Variants in PCDHGA1 observed in about 807,000 individuals in gnomAD.
PCDHGA1 encodes protocadherin gamma-A1.
Under a neutral mutation model 58.0 loss-of-function variants are expected in PCDHGA1, and 32 were observed. That is an observed-to-expected ratio of 0.55 (90% confidence interval 0.42 to 0.74). The LOEUF (loss-of-function observed/expected upper bound fraction) is 0.74. Ranked by LOEUF, PCDHGA1 falls within the 30% of genes least tolerant of loss-of-function variation. The pLI, the probability that PCDHGA1 is intolerant of heterozygous loss-of-function variation, is 0.00. For missense variants in PCDHGA1, 1,205 were observed against 1,182.3 expected, an observed-to-expected ratio of 1.02 and a Z score of -0.28; for synonymous variants, 498 against 501.1, an observed-to-expected ratio of 0.99 and a Z score of 0.08.
intron 2 of PCDHGA1, among the ~76,000 whole-genome samples, chr5:141,502,857 ACT>A (rs1332453483): frequency 7.7e-5 from 7 of 91,446 alleles, no homozygotes; most frequent in African/African-American, 4.1e-4. Flanking sequence ...CCTAACCCTG[ACT>A]CTCTGTCTTT....
At chr5:141,394,727 C>A in intron 1 of PCDHGA1, 1 of 1,613,436 alleles carries the variant, frequency 6.2e-7, no homozygotes, top group East Asian at 2.2e-5. Flanking sequence ...GAGATGCGCT[C>A]AAGCAGAGCC....
intron 1 of PCDHGA1, among the ~76,000 whole-genome samples, chr5:141,438,935 G>A (rs1306603362): frequency 6.6e-6 from 1 of 151,810 alleles, no homozygotes; most frequent in African/African-American, 2.4e-5. Context: ...CAAAGTGCTG[G>A]GATTATAGGC....
At chr5:141,393,259 G>GAGCACGTT (rs1561641390) in intron 1 of PCDHGA1, 2 of 1,613,874 alleles carry the variant, frequency 1.2e-6, no homozygotes, top group Non-Finnish European at 1.7e-6. Flanking sequence ...GCGGTTCCTG[G>GAGCACGTT]AGCACGTTAT....
intron 1 of PCDHGA1, chr5:141,404,553 C>T: frequency 6.2e-7 from 1 of 1,613,766 alleles, no homozygotes; most frequent in Non-Finnish European, 8.5e-7. Context: ...CAGGTGACGG[C>T]AAGTGACAGT....
chr5:141,389,993 G>GCTCT (rs1379154076), intron 1 of PCDHGA1: 4 of 1,614,016 alleles, frequency 2.5e-6, no homozygotes, highest in Non-Finnish European at 2.5e-6. Flanking sequence ...TCTTCCTCGT[G>GCTCT]GCCATGATTC....
chr5:141,354,881 A>G (rs909199099), intron 1 of PCDHGA1: 9 of 374,772 alleles, frequency 2.4e-5, no homozygotes, highest in African/African-American at 1.9e-4. Context: ...ATTTGACTTT[A>G]TTATCTTGGG....
At chr5:141,357,464 A>G (rs1433151556) in intron 1 of PCDHGA1, 1 of 1,614,044 alleles carries the variant, frequency 6.2e-7, no homozygotes, top group Non-Finnish European at 8.5e-7. Flanking sequence ...ACCTATTCCC[A>G]CGAGGTCTCC....
At position 141,369,841 on chromosome 5, in the gene PCDHGA1, A is replaced by G. The variant is rs139634339; in HGVS notation, c.2421+36736A>G. 6.6e-4 allele frequency among the ~76,000 whole-genome samples: 101 copies of G among 152,282 alleles called. No homozygotes were observed. The East Asian group carries it at 0.014, about 20-fold the overall frequency. ...CTTCCATTTGTATGATTTTCTATGT[A>G]TTATTTTATTTGGCCCTCATTTCTA... On this transcript the variant is annotated intron_variant, in intron 1 of 3. Coordinates refer to ENST00000517417, the MANE Select transcript of PCDHGA1 (RefSeq NM_018912.3).
intron 1 of PCDHGA1, chr5:141,377,873 T>C (rs1304157749): frequency 6.6e-6 from 1 of 152,196 alleles, no homozygotes; most frequent in Admixed American, 6.5e-5. Context: ...AGACTTCTCT[T>C]ATCAGAGATA....
At chr5:141,385,414 A>G in intron 1 of PCDHGA1, 1 of 1,472,092 alleles carries the variant, frequency 6.8e-7, no homozygotes. Context: ...GAAAATAGGG[A>G]TTTAAAAAAC....
At chr5:141,395,079 G>C in intron 1 of PCDHGA1, 1 of 1,614,142 alleles carries the variant, frequency 6.2e-7, no homozygotes, top group Non-Finnish European at 8.5e-7. Flanking sequence ...CTATTCCCAG[G>C]AAGTCTCCCT....
chr5:141,369,623 T>A (rs996291828), intron 1 of PCDHGA1, among the ~76,000 whole-genome samples: 4 of 152,224 alleles, frequency 2.6e-5, no homozygotes, highest in Admixed American at 2.6e-4. Flanking sequence ...CATTTCCTCA[T>A]TACCTTTAAC....
At chr5:141,343,410 C>T in intron 1 of PCDHGA1, 2 of 972,148 alleles carry the variant, frequency 2.1e-6, no homozygotes, top group Non-Finnish European at 2.4e-6. Context: ...TATCAAATAA[C>T]CCTGATAAAT....
intron 1 of PCDHGA1, chr5:141,390,939 A>G (rs572047279): frequency 6.6e-6 from 1 of 152,412 alleles, no homozygotes; most frequent in Admixed American, 6.5e-5. Context: ...TTAGAAGATC[A>G]AAAGCAGATT....
At chr5:141,374,753 A>C in intron 1 of PCDHGA1, 1 of 1,612,912 alleles carries the variant, frequency 6.2e-7, no homozygotes, top group Admixed American at 1.7e-5. Context: ...TGTCCGCTCA[A>C]GCGTCGCCCA....
At chr5:141,355,117 AT>A (rs1170633529) in intron 1 of PCDHGA1, 1 of 1,513,660 alleles carries the variant, frequency 6.6e-7, no homozygotes, top group Non-Finnish European at 8.8e-7. Flanking sequence ...AATGCACTTT[AT>A]TTTGGACCCA....
intron 1 of PCDHGA1, chr5:141,356,782 C>A (rs745488065): frequency 6.7e-5 from 108 of 1,613,860 alleles, no homozygotes; most frequent in Non-Finnish European, 1.7e-5. Context: ...GTTTAGAGAC[C>A]TGCAGCTGCT....
intron 1 of PCDHGA1, chr5:141,398,657 GT>G: frequency 6.2e-7 from 1 of 1,614,018 alleles, no homozygotes; most frequent in South Asian, 1.1e-5. Context: ...CTTAACCCAA[GT>G]TTCTCATTAA....
chr5:141,491,560 T>C lies in PCDHGA1; in HGVS notation c.2422-3247T>C. 1 of 1,613,986 alleles carries C rather than the reference T, an allele frequency of 6.2e-7. No homozygotes were observed. Among genetic ancestry groups the C allele is most frequent in the Non-Finnish European group, 8.5e-7 (1 of 1,180,026 alleles). ...GCCCACAGACTCGCAGAGCCACTGCTACAGGACGTGCTTTTCACCGGCCTC... is the reference window on the plus strand; with the variant it reads ...GCCCACAGACTCGCAGAGCCACTGCCACAGGACGTGCTTTTCACCGGCCTC... On this transcript the variant is annotated intron_variant, in intron 1 of 3. Coordinates refer to ENST00000517417, the MANE Select transcript of PCDHGA1 (RefSeq NM_018912.3). This position sits in a 1 kb window ranked among gnomAD's most constrained non-coding sequence, Gnocchi z 6.9.
Sources: allele counts gnomAD v4.1 joint callset (sites outside exome capture counted in the v4.1 genomes callset), GRCh38; gene constraint gnomAD v4.1.1; non-coding constraint Gnocchi (gnomAD v3.1); transcripts MANE v1.5; gene names NCBI Gene and HGNC (gene_info 2026-07-23, HGNC 2026-07-21).